Variants in EMP1 observed in about 807,000 individuals in gnomAD.
EMP1 encodes the protein tumor-associated membrane protein.
EMP1 carries 5 observed loss-of-function variants against 15.7 expected under a neutral mutation model. The ratio of observed to expected loss-of-function variants is 0.32; its 90% CI spans 0.17 to 0.67. The LOEUF is 0.67. Ranked by LOEUF, EMP1 falls within the 30% of genes least tolerant of loss-of-function variation. The probability of loss-of-function intolerance (pLI) is 0.74; values close to 1 mark genes in which losing one functional copy is unlikely to be tolerated. For missense variants in EMP1, 166 were observed against 194.2 expected (o/e 0.85, Z 0.86); for synonymous variants, 78 against 76.7 (o/e 1.02, Z -0.09).
In EMP1 at chr12:13,217,881, C is replaced by T. The variant is rs1216697687; in HGVS notation, c.*3190C>T. On this transcript the variant is annotated 3_prime_UTR_variant, in exon 5 of 5. Coordinates refer to ENST00000256951, the MANE Select transcript of EMP1 (RefSeq NM_001423.3). ...TCACATGATTTTGAAGGCAGGCAAG[C>T]CCAAAGTCTGCAAGGGGTGGGCCAG... The T allele has an allele frequency of 6.6e-6, 1 of 152,070 alleles. No homozygotes were observed. The highest frequency in any genetic ancestry group is 2.4e-5 in the African/African-American group (1 of 41,402). 9.4% of individuals were successfully genotyped at this position (152,070 alleles called of 1,614,324 possible).
Position 13,215,492 on chromosome 12 carries a change from A to G in EMP1, c.*801A>G, listed in dbSNP as rs956331712. The G allele has an allele frequency of 1.3e-5, 2 of 152,232 alleles. No individual in the cohort carries two copies. The highest frequency in any genetic ancestry group is 2.9e-5 in the Non-Finnish European group (2 of 68,048). The allele number at this position is 152,232 out of a possible 1,614,324, so 9.4% of individuals were successfully genotyped here. A position where few individuals can be genotyped will look rare whatever the true frequency, so the allele number is the denominator to read the frequency against. On this transcript the variant is annotated 3_prime_UTR_variant, in exon 5 of 5. Transcript: ENST00000256951. ...TAGTGAACAATTCGGTGGTAAAAGT[A>G]CCACACAAACTATGGGATCCAAGGG...
At chr12:13,203,791 G>T (rs1313518898) in intron 1 of EMP1, among the ~76,000 whole-genome samples, 2 of 152,266 alleles carry the variant, frequency 1.3e-5, no homozygotes, top group East Asian at 1.9e-4. Context: ...GCCTGTAGGA[G>T]CCACTGACCA....
intron 1 of EMP1, among the ~76,000 whole-genome samples, chr12:13,198,930 A>G (rs74693998): frequency 0.093 from 13,884 of 149,092 alleles, 781 homozygotes; most frequent in East Asian, 0.26. Flanking sequence ...CAATCCCGAA[A>G]TGTGAGGGTT....
At position 13,214,560 on chromosome 12, in the gene EMP1, A is replaced by G; in HGVS notation, c.343A>G (p.Ile115Val). Reference sequence around the variant, plus strand: ...GCTGTGCATTCTTGTGGGGGTGTCCATCTACACTAGTCATTATGCGAATCG... The same window carrying G: ...GCTGTGCATTCTTGTGGGGGTGTCCGTCTACACTAGTCATTATGCGAATCG... ...CWLCILVGVS[I>V]YTSHYANRDG... The change falls in exon 5 of 5, where the codon ATC becomes GTC. Residue 115 changes from isoleucine to valine, a missense_variant. Coordinates refer to ENST00000256951, the MANE Select transcript of EMP1 (RefSeq NM_001423.3). 1 of 1,613,982 alleles carries G rather than the reference A, an allele frequency of 6.2e-7. No individual in the cohort carries two copies. Among genetic ancestry groups the G allele is most frequent in the Non-Finnish European group, 8.5e-7 (1 of 1,179,978 alleles).
chr12:13,205,811 G>A (rs1864106228), intron 1 of EMP1, among the ~76,000 whole-genome samples: 1 of 152,234 alleles, frequency 6.6e-6, no homozygotes, highest in Non-Finnish European at 1.5e-5. Context: ...TAGCTTGGTT[G>A]AAAAGAATTT....
intron 1 of EMP1, among the ~76,000 whole-genome samples, chr12:13,208,773 A>T (rs986827621): frequency 6.6e-6 from 1 of 152,152 alleles, no homozygotes; most frequent in African/African-American, 2.4e-5. Context: ...GATGAAAGAG[A>T]GTCGCTCTTT....
chr12:13,212,718 A>G (rs1178288656), intron 2 of EMP1, among the ~76,000 whole-genome samples: 1 of 152,216 alleles, frequency 6.6e-6, no homozygotes, highest in African/African-American at 2.4e-5. Flanking sequence ...TAGGTGATGC[A>G]TGTTCCCGGC....
At chr12:13,214,222 C>T (rs1864192982) in intron 4 of EMP1, 4 of 595,172 alleles carry the variant, frequency 6.7e-6, no homozygotes, top group Non-Finnish European at 8.9e-6. Flanking sequence ...TCTTTTGCAT[C>T]CCTGAGTAGC....
chr12:13,212,996 AC>A (rs2121161426), intron 2 of EMP1, among the ~76,000 whole-genome samples: 1 of 152,304 alleles, frequency 6.6e-6, no homozygotes, highest in East Asian at 1.9e-4. Flanking sequence ...CTTATTAACC[AC>A]TAGATTCATT....
At chr12:13,213,060 C>T (rs1014071934) in intron 2 of EMP1, among the ~76,000 whole-genome samples, 4 of 152,192 alleles carry the variant, frequency 2.6e-5, no homozygotes, top group Non-Finnish European at 5.9e-5. Flanking sequence ...TTGGACATTT[C>T]ACTTTTTTCC....
chr12:13,204,870 G>C (rs1056524430), intron 1 of EMP1, among the ~76,000 whole-genome samples: 2 of 152,210 alleles, frequency 1.3e-5, no homozygotes, highest in East Asian at 3.9e-4. Flanking sequence ...GTTATGACTT[G>C]ACTGAGATTT....
At chr12:13,201,067 G>T (rs10772632) in intron 1 of EMP1, among the ~76,000 whole-genome samples, 125,694 of 151,798 alleles carry the variant, frequency 0.83, 53,141 homozygotes, top group East Asian at 1. Flanking sequence ...CGAGACACTT[G>T]TCTTCTTGCT....
intron 1 of EMP1, 127 bp downstream of exon 1, chr12:13,196,999 C>T (rs1864020831): frequency 6.6e-6 from 1 of 152,190 alleles, no homozygotes; most frequent in African/African-American, 2.4e-5. Flanking sequence ...TTCTATGATC[C>T]TCTAAGAACC....
intron 1 of EMP1, among the ~76,000 whole-genome samples, chr12:13,205,644 C>T (rs891671062): frequency 1.3e-5 from 2 of 152,084 alleles, no homozygotes; most frequent in African/African-American, 4.8e-5. Flanking sequence ...TATTTGGTAC[C>T]TGTCACAGGC....
intron 1 of EMP1, among the ~76,000 whole-genome samples, chr12:13,206,811 G>T (rs1268134279): frequency 2.0e-5 from 3 of 152,162 alleles, no homozygotes; most frequent in Non-Finnish European, 4.4e-5. Flanking sequence ...AGGCTCCCAT[G>T]GGGGCCTGAG....
Position 13,211,534 on chromosome 12 carries a change from C to A in EMP1, c.24C>A (p.Ile8=). Residue 8 remains isoleucine (I), a synonymous_variant, in exon 2 of 5, where the codon ATC becomes ATA. Transcript: ENST00000256951. This position sits in a 1 kb window ranked among gnomAD's most constrained non-coding sequence, Gnocchi z 4.7. Reference sequence around the variant, plus strand: ...ACATGTTGGTATTGCTGGCTGGTATCTTTGTGGTCCACATCGCTACTGTTA... The same window carrying A: ...ACATGTTGGTATTGCTGGCTGGTATATTTGTGGTCCACATCGCTACTGTTA... MLVLLAG[I]FVVHIATVIM... is the part of the protein sequence containing the mutation. 3 of 1,610,804 alleles carry A rather than the reference C, an allele frequency of 1.9e-6. No individual in the cohort carries two copies. The highest frequency in any genetic ancestry group is 1.7e-6 in the Non-Finnish European group (2 of 1,179,056).
chr12:13,212,362 C>A (rs1212619758), intron 2 of EMP1, among the ~76,000 whole-genome samples: 3 of 152,178 alleles, frequency 2.0e-5, no homozygotes, highest in Admixed American at 1.3e-4. Context: ...CCACCAATCA[C>A]TAGGCAGGCA....
rs1864189187 is a variant in EMP1, at chr12:13,213,827, T to G, written c.316+6T>G. ...GGCCACCACACTGGTGTGCTGTGAG[T>G]ATCTCATGGGTAGACTCCAGTTTAC... On this transcript the variant is annotated splice_donor_region_variant and intron_variant, in intron 4 of 4. Transcript: ENST00000256951. 1.2e-6 allele frequency: 2 copies of G among 1,613,648 alleles called. No individual in the cohort carries two copies. Among genetic ancestry groups the G allele is most frequent in the Non-Finnish European group, 1.7e-6 (2 of 1,180,024 alleles).
chr12:13,210,750 A>G (rs1264344060), intron 1 of EMP1, among the ~76,000 whole-genome samples: 1 of 152,258 alleles, frequency 6.6e-6, no homozygotes, highest in African/African-American at 2.4e-5. Flanking sequence ...GACCAATGGC[A>G]GGCTTCCTGC....
Sources: gnomAD v4.1 joint callset for allele counts (sites outside exome capture counted in the v4.1 genomes callset) on GRCh38, gnomAD v4.1.1 for gene constraint, Gnocchi (gnomAD v3.1) non-coding constraint, MANE v1.5 for transcripts, NCBI Gene and HGNC (gene_info 2026-07-23, HGNC 2026-07-21) for gene names.